Variants in ANK2 observed in about 807,000 individuals in gnomAD.
ANK2 encodes the protein ankyrin-2.
In ANK2, 83 loss-of-function variants were observed where a neutral mutation model predicts 360.5. The observed-to-expected ratio is 0.23, with a 90% CI of 0.19 to 0.28. The LOEUF (loss-of-function observed/expected upper bound fraction) is 0.28, where lower values mean the gene tolerates loss of function less well. Ranked by LOEUF, ANK2 falls within the 10% of genes least tolerant of loss-of-function variation. The pLI, the probability that ANK2 is intolerant of heterozygous loss-of-function variation, is 1.00. For missense variants in ANK2, 4,201 were observed against 4,795.7 expected, an observed-to-expected ratio of 0.88 and a Z score of 3.66; for synonymous variants, 1,740 against 1,759.5, an observed-to-expected ratio of 0.99 and a Z score of 0.28.
At chr4:112,950,060 CT>C (rs2094833354) in intron 2 of ANK2, among the ~76,000 whole-genome samples, 1 of 152,174 alleles carries the variant, frequency 6.6e-6, no homozygotes, top group South Asian at 2.1e-4. Flanking sequence ...ATGCTTTCCC[CT>C]TTTCTTCACA....
Position 113,255,001 on chromosome 4 carries a change from G to A in ANK2, c.991-734G>A, listed in dbSNP as rs138285892. 1.2e-4 allele frequency among the ~76,000 whole-genome samples: 19 copies of A among 152,196 alleles called. No homozygotes were observed. The East Asian group carries it at 3.7e-3, about 29-fold the overall frequency. ...CTTTAAAAAAAATGAGAGTCTTACCGAGTCTGATGAACAGTGCATTACCCT... is the reference window on the plus strand; with the variant it reads ...CTTTAAAAAAAATGAGAGTCTTACCAAGTCTGATGAACAGTGCATTACCCT... On this transcript the variant is annotated intron_variant, in intron 10 of 45. Transcript: ENST00000357077.
At chr4:113,250,037 T>C (rs2045287870) in intron 10 of ANK2, among the ~76,000 whole-genome samples, 175 bp downstream of exon 10, 1 of 152,264 alleles carries the variant, frequency 6.6e-6, no homozygotes, top group South Asian at 2.1e-4. Context: ...TAAACAGATA[T>C]ATGAATTAAG....
At chr4:112,943,142 T>G (rs2094344317) in intron 2 of ANK2, among the ~76,000 whole-genome samples, 1 of 152,034 alleles carries the variant, frequency 6.6e-6, no homozygotes, top group Admixed American at 6.6e-5. Context: ...AGTCTAAATA[T>G]GGTAATGAAC....
At chr4:113,275,896 G>T (rs2153692911) in intron 15 of ANK2, among the ~76,000 whole-genome samples, 2 of 150,320 alleles carry the variant, frequency 1.3e-5, no homozygotes, top group South Asian at 4.2e-4. Flanking sequence ...CTATATCCAT[G>T]GTAAATTAGG....
chr4:113,068,632 A>G lies in ANK2; in HGVS notation c.84+18820A>G, dbSNP rs149336558. Among the ~76,000 whole-genome samples, 118 of 152,352 alleles carry G rather than the reference A, an allele frequency of 7.7e-4. 2 individuals carry two copies. The highest frequency in any genetic ancestry group is 2.7e-3 in the African/African-American group (114 of 41,594). ...GATTAGAAATGACTCACATGATTGTATGTTTGCATTACAGAGAGAAATGAC... is the reference window on the plus strand; with the variant it reads ...GATTAGAAATGACTCACATGATTGTGTGTTTGCATTACAGAGAGAAATGAC... On this transcript the variant is annotated intron_variant, in intron 1 of 45. Transcript: ENST00000357077.
At chr4:113,241,341 T>C (rs764226034) in intron 8 of ANK2, among the ~76,000 whole-genome samples, 2 of 152,190 alleles carry the variant, frequency 1.3e-5, no homozygotes, top group Non-Finnish European at 2.9e-5. Context: ...GTTTGTTTGT[T>C]GTTGTTGCTG....
chr4:113,043,448 A>G (rs1047011729), intron 2 of ANK2, among the ~76,000 whole-genome samples: 1 of 151,066 alleles, frequency 6.6e-6, no homozygotes, highest in Non-Finnish European at 1.5e-5. Flanking sequence ...GCTTTAAAAA[A>G]AAAAAAGAGA....
At chr4:112,751,614 A>G in the ANK2 span, among the ~76,000 whole-genome samples, 1 of 150,534 alleles carries the variant, frequency 6.6e-6, no homozygotes, top group Non-Finnish European at 1.5e-5. Context: ...GCAGGGGGGA[A>G]GGGATGGAAT....
intron 1 of ANK2, among the ~76,000 whole-genome samples, chr4:113,083,308 T>C (rs948235709): frequency 3.3e-5 from 5 of 152,100 alleles, no homozygotes; most frequent in Admixed American, 2.0e-4. Flanking sequence ...CCTCCCTGAG[T>C]AGCTGGGATT....
chr4:112,862,462 A>C (rs976846526), intron 1 of ANK2, among the ~76,000 whole-genome samples: 6 of 152,172 alleles, frequency 3.9e-5, no homozygotes, highest in African/African-American at 1.4e-4. Flanking sequence ...AAGGCAGATC[A>C]GAGCTTTAAT....
intron 4 of ANK2, among the ~76,000 whole-genome samples, chr4:113,227,328 T>C (rs2153516245): frequency 6.6e-6 from 1 of 152,328 alleles, no homozygotes; most frequent in South Asian, 2.1e-4. Flanking sequence ...CAAAGGGTAC[T>C]GCAGGAGCTG....
chr4:113,382,188 C>A lies in ANK2; in HGVS notation c.*717C>A. 6.1e-6 allele frequency: 1 copy of A among 163,774 alleles called. No homozygotes were observed. 10.1% of individuals were successfully genotyped at this position (163,774 alleles called of 1,614,324 possible). On this transcript the variant is annotated 3_prime_UTR_variant, in exon 46 of 46. Transcript: ENST00000357077. ...TAATACAGTTTTACTGCAAAAGAAG[C>A]ACTTCAAACCTATTATGTCCTTAGA...
rs2095515118 is a variant in ANK2, at chr4:113,353,003, T to C, written c.4427-42T>C. 2.5e-6 allele frequency: 4 copies of C among 1,601,512 alleles called. No individual in the cohort carries two copies. The East Asian group carries it at 8.9e-5, about 36-fold the overall frequency. ...TGATTACATTTGCCAATATCTTTTTTGATTTCCATTTTACTTTCAATGTTT... is the reference window on the plus strand; with the variant it reads ...TGATTACATTTGCCAATATCTTTTTCGATTTCCATTTTACTTTCAATGTTT... On this transcript the variant is annotated intron_variant, in intron 37 of 45. Coordinates refer to ENST00000357077, the MANE Select transcript of ANK2 (RefSeq NM_001148.6).
At chr4:113,049,556 C>G, upstream of ANK2, 1 of 1,287,684 alleles carries the variant, frequency 7.8e-7, no homozygotes, top group Non-Finnish European at 1.1e-6. Context: ...GTCAGATAAA[C>G]AGTTGTGGCA....
chr4:113,175,743 G>T (rs1456972905), intron 2 of ANK2, among the ~76,000 whole-genome samples: 2 of 152,168 alleles, frequency 1.3e-5, no homozygotes, highest in African/African-American at 4.8e-5. Flanking sequence ...TGAGGTGGTT[G>T]TTTCAAAATC....
chr4:112,766,362 A>G, the ANK2 span, among the ~76,000 whole-genome samples: 4 of 152,132 alleles, frequency 2.6e-5, no homozygotes, highest in Non-Finnish European at 5.9e-5. Flanking sequence ...GCATTTTGAA[A>G]TTTGACTTTT....
At chr4:113,149,924 A>G (rs1487569694) in intron 1 of ANK2, among the ~76,000 whole-genome samples, 2 of 151,236 alleles carry the variant, frequency 1.3e-5, no homozygotes, top group Admixed American at 6.6e-5. Flanking sequence ...AAGAGAAGAC[A>G]TGACTTTCAT....
intron 2 of ANK2, among the ~76,000 whole-genome samples, chr4:113,024,709 A>T (rs942692850): frequency 6.6e-6 from 1 of 152,074 alleles, no homozygotes; most frequent in African/African-American, 2.4e-5. Context: ...TCTACTTCCC[A>T]CTTACAAAGA....
chr4:113,175,540 C>T (rs751442320), intron 2 of ANK2, among the ~76,000 whole-genome samples: 10 of 152,120 alleles, frequency 6.6e-5, no homozygotes, highest in East Asian at 1.9e-4. Context: ...TACATGAGCT[C>T]GGATCACCTT....
Sources: gnomAD v4.1 joint callset for allele counts (sites outside exome capture counted in the v4.1 genomes callset) on GRCh38, gnomAD v4.1.1 for gene constraint, MANE v1.5 for transcripts, NCBI Gene and HGNC (gene_info 2026-07-23, HGNC 2026-07-21) for gene names.